UBIAD1: variants seen among roughly 807,000 people sequenced by gnomAD.
UBIAD1 encodes the protein UbiA prenyltransferase domain containing 1, also known as ubiA prenyltransferase domain-containing protein 1.
Under a neutral mutation model 20.1 loss-of-function variants are expected in UBIAD1, and 12 were observed. The observed-to-expected ratio is 0.60, with a 90% CI of 0.38 to 0.97. The LOEUF is 0.97. Among genes scored for constraint, UBIAD1 ranks in the 50% least tolerant of loss-of-function variants. The pLI is 0.00. For missense variants in UBIAD1, 333 were observed against 419.5 expected, an observed-to-expected ratio of 0.79 and a Z score of 1.80; for synonymous variants, 207 against 189.2, an observed-to-expected ratio of 1.09 and a Z score of -0.77.
intron 1 of UBIAD1, among the ~76,000 whole-genome samples, chr1:11,283,055 T>A (rs1569899663): frequency 6.6e-6 from 1 of 151,784 alleles, no homozygotes; most frequent in East Asian, 1.9e-4. Flanking sequence ...GGAGATGGGG[T>A]TTCTCCATGT....
At chr1:11,282,494 C>T (rs1418649269) in intron 1 of UBIAD1, among the ~76,000 whole-genome samples, 1 of 151,770 alleles carries the variant, frequency 6.6e-6, no homozygotes, top group Non-Finnish European at 1.5e-5. Context: ...TTTTCCTCCC[C>T]AGAGTGGGTT....
chr1:11,295,099 G>GT (rs768335535), exon 2 of UBIAD1: 4 of 610,152 alleles, frequency 6.6e-6, no homozygotes, highest in South Asian at 1.9e-5. Context: ...CGGGTTCAGT[G>GT]TGCTGTGTGG....
intron 1 of UBIAD1, among the ~76,000 whole-genome samples, chr1:11,282,783 T>C (rs145230204): frequency 6.6e-6 from 1 of 151,624 alleles, no homozygotes; most frequent in East Asian, 1.9e-4. Context: ...GTCAGGCTGG[T>C]CTTGACTTCC....
intron 1 of UBIAD1, among the ~76,000 whole-genome samples, chr1:11,284,259 G>A (rs761207768): frequency 6.6e-6 from 1 of 152,126 alleles, no homozygotes; most frequent in Non-Finnish European, 1.5e-5. Context: ...GAGTTAGCCA[G>A]GCCAAGGGAG....
downstream of UBIAD1, among the ~76,000 whole-genome samples, chr1:11,297,493 G>A (rs945643977): frequency 6.7e-6 from 1 of 150,356 alleles, no homozygotes; most frequent in Non-Finnish European, 1.5e-5. Flanking sequence ...CTCTGTGTAT[G>A]GGGGTGGGGG....
At chr1:11,280,721 G>T (rs770439459) in intron 1 of UBIAD1, among the ~76,000 whole-genome samples, 2 of 152,172 alleles carry the variant, frequency 1.3e-5, no homozygotes, top group African/African-American at 4.8e-5. Flanking sequence ...CAAAATGCAT[G>T]TAGGATCTGA....
chr1:11,299,513 G>A (rs1034630417), downstream of UBIAD1, among the ~76,000 whole-genome samples: 1 of 152,214 alleles, frequency 6.6e-6, no homozygotes, highest in Non-Finnish European at 1.5e-5. Flanking sequence ...GGAGCAAAGC[G>A]TGATCGGTTG....
At chr1:11,290,209 G>T (rs982374160), downstream of UBIAD1, among the ~76,000 whole-genome samples, 1 of 152,186 alleles carries the variant, frequency 6.6e-6, no homozygotes, top group Admixed American at 6.5e-5. Flanking sequence ...CCCCAGGCAG[G>T]TGGCTGAAAA....
At chr1:11,278,737 T>A (rs1287099599) in intron 1 of UBIAD1, 1 of 748,338 alleles carries the variant, frequency 1.3e-6, no homozygotes. Flanking sequence ...TTGCTAACAC[T>A]GGTGTGCTGC....
At chr1:11,291,149 C>T (rs948554737), downstream of UBIAD1, among the ~76,000 whole-genome samples, 3 of 152,328 alleles carry the variant, frequency 2.0e-5, no homozygotes, top group East Asian at 5.8e-4. Context: ...AAATTCTGCC[C>T]ATCCCTGTCA....
At chr1:11,298,096 G>C (rs979660809), downstream of UBIAD1, among the ~76,000 whole-genome samples, 1 of 151,986 alleles carries the variant, frequency 6.6e-6, no homozygotes, top group African/African-American at 2.4e-5. The surrounding 1 kb of genome is among the most constrained non-coding windows in gnomAD (Gnocchi z 4.0). Context: ...GAATAGCTGG[G>C]ATTACAGCAT....
chr1:11,297,829 A>G (rs1390247214), downstream of UBIAD1, among the ~76,000 whole-genome samples: 1 of 152,238 alleles, frequency 6.6e-6, no homozygotes, highest in African/African-American at 2.4e-5. Context: ...AGGAATCTCT[A>G]GGTACAAGGG....
rs754233563 is a variant in UBIAD1 at position 11,285,685 on chromosome 1, CT to C, written c.572del (p.Leu191ProfsTer9). 3.7e-6 allele frequency: 6 copies of C among 1,614,092 alleles called. No homozygotes were observed. In the East Asian group the frequency reaches 1.3e-4, roughly 36 times the overall value. The part of the protein sequence containing the change: ...KYVALGDLII[L>X]ITFGPLAVMF... ...CGTGGCTCTGGGAGACCTCATCATC[CT>C]CATCACTTTTGGCCCGCTGGCTGTG... On this transcript the variant is annotated frameshift_variant, in exon 2 of 2. Transcript: ENST00000376810. LOFTEE classifies it high-confidence loss of function. This position sits in a 1 kb window ranked among gnomAD's most constrained non-coding sequence, Gnocchi z 4.4.
At chr1:11,283,290 A>G (rs1364065613) in intron 1 of UBIAD1, among the ~76,000 whole-genome samples, 1 of 152,178 alleles carries the variant, frequency 6.6e-6, no homozygotes, top group African/African-American at 2.4e-5. Flanking sequence ...GAGCTGAGAA[A>G]ACAAGCACAG....
downstream of UBIAD1, among the ~76,000 whole-genome samples, chr1:11,291,217 TC>T (rs1419833166): frequency 5.9e-5 from 9 of 152,312 alleles, no homozygotes; most frequent in African/African-American, 2.2e-4. Context: ...CTTTCTTTTC[TC>T]TAGATATTAA....
chr1:11,283,833 C>G (rs1652322719), intron 1 of UBIAD1, among the ~76,000 whole-genome samples: 1 of 152,158 alleles, frequency 6.6e-6, no homozygotes, highest in African/African-American at 2.4e-5. Flanking sequence ...GAGTCCACAT[C>G]TTGTAGCTTG....
chr1:11,281,937 T>G (rs1652255062), intron 1 of UBIAD1, among the ~76,000 whole-genome samples: 2 of 152,254 alleles, frequency 1.3e-5, no homozygotes, highest in African/African-American at 4.8e-5. Context: ...TATCAGTAGT[T>G]CCTTTTTTTG....
At chr1:11,289,018 T>C (rs541147460), downstream of UBIAD1, among the ~76,000 whole-genome samples, 2 of 152,376 alleles carry the variant, frequency 1.3e-5, no homozygotes, top group South Asian at 4.1e-4. Flanking sequence ...CATTTTTCTT[T>C]TTCTTGATAG....
At chr1:11,279,526 T>G (rs1569895028) in intron 1 of UBIAD1, among the ~76,000 whole-genome samples, 1 of 152,166 alleles carries the variant, frequency 6.6e-6, no homozygotes, top group Non-Finnish European at 1.5e-5. Context: ...CGGGTTCAAG[T>G]GATTCTCAGC....
Sources: allele counts gnomAD v4.1 joint callset (sites outside exome capture counted in the v4.1 genomes callset), GRCh38; gene constraint gnomAD v4.1.1; non-coding constraint Gnocchi (gnomAD v3.1); transcripts MANE v1.5; gene names NCBI Gene and HGNC (gene_info 2026-07-23, HGNC 2026-07-21).